MYH16: variants seen among roughly 807,000 people sequenced by gnomAD.
MYH16 encodes the protein myosin heavy chain 16.
At chr7:99,276,962 A>C (rs961730756) in intron 20 of MYH16, among the ~76,000 whole-genome samples, 4 of 152,056 alleles carry the variant, frequency 2.6e-5, no homozygotes, top group Non-Finnish European at 4.4e-5. Context: ...AGAAACAGAA[A>C]CACGGAGAGA....
chr7:99,282,890 G>A (rs1206500136), intron 23 of MYH16, among the ~76,000 whole-genome samples: 3 of 152,122 alleles, frequency 2.0e-5, no homozygotes, highest in Admixed American at 6.6e-5. Context: ...ATGTAAAAGG[G>A]TGCTGGGCTC....
exon 33 of MYH16, chr7:99,294,124 G>A: frequency 2.2e-6 from 1 of 456,374 alleles, no homozygotes; most frequent in South Asian, 1.6e-5. Flanking sequence ...GGCAGAAGTT[G>A]AGGACCTCAC....
chr7:99,245,739 G>T (rs1392399861), intron 2 of MYH16, among the ~76,000 whole-genome samples: 2 of 152,024 alleles, frequency 1.3e-5, no homozygotes, highest in African/African-American at 4.8e-5. Context: ...TGTTGGTCAC[G>T]CTGGTCTCGA....
At chr7:99,240,228 T>C (rs970613099) in intron 1 of MYH16, among the ~76,000 whole-genome samples, 2 of 152,084 alleles carry the variant, frequency 1.3e-5, no homozygotes, top group African/African-American at 2.4e-5. Context: ...TTAGGTGACC[T>C]GTGTACGTTG....
At chr7:99,297,870 C>G in intron 35 of MYH16, 22 bp from the exon 17 acceptor site, 1 of 456,678 alleles carries the variant, frequency 2.2e-6, no homozygotes, top group Non-Finnish European at 4.4e-6. Flanking sequence ...GCCAGAAAGA[C>G]TCATGGTTAT....
At chr7:99,242,943 A>T (rs778765213) in intron 1 of MYH16, among the ~76,000 whole-genome samples, 2 of 152,232 alleles carry the variant, frequency 1.3e-5, no homozygotes, top group African/African-American at 2.4e-5. Context: ...GCTGGAAGAG[A>T]AGCAGAGCCC....
At position 99,262,157 on chromosome 7, in the gene MYH16, AG is replaced by A. The variant is rs149819937; in HGVS notation, n.1755+528del. 9.8e-3 allele frequency among the ~76,000 whole-genome samples: 1,494 copies of A among 152,286 alleles called. 26 individuals carry two copies. The highest frequency in any genetic ancestry group is 0.033 in the African/African-American group (1,389 of 41,560). On this transcript the variant is annotated intron_variant and non_coding_transcript_variant, in intron 13 of 41. Transcript: ENST00000439784. ...CTCAGGTTGCATTTGCATAATTAAT[AG>A]GGGAGGTGACGTTCATCCTGCCAGC...
Position 99,296,937 on chromosome 7 carries a change from G to A in MYH16, n.4499+20G>A, listed in dbSNP as rs1394148950. ...TGCAGGGTGAGTCTGAGGGCAGGTG[G>A]ATGGGATGGGCCTGTAGGGAGGGGA... On this transcript the variant is annotated intron_variant and non_coding_transcript_variant, in intron 34 of 41. Coordinates refer to ENST00000439784, the Ensembl canonical transcript of MYH16. The A allele has an allele frequency of 2.2e-6, 1 of 455,874 alleles. No homozygotes were observed. 28.2% of individuals were successfully genotyped at this position (455,874 alleles called of 1,614,324 possible). A position where few individuals can be genotyped will look rare whatever the true frequency, so the allele number is the denominator to read the frequency against.
exon 39 of MYH16, chr7:99,303,097 G>A (rs986599951): frequency 2.6e-5 from 4 of 152,716 alleles, no homozygotes; most frequent in African/African-American, 9.6e-5. Flanking sequence ...AACGCAAGCT[G>A]GAGTCAGATG....
chr7:99,266,577 A>G (rs1791989438), intron 17 of MYH16, among the ~76,000 whole-genome samples: 3 of 152,024 alleles, frequency 2.0e-5, no homozygotes, highest in Admixed American at 6.6e-5. Context: ...CCTTTTCTCA[A>G]CTCCAAGCTC....
At chr7:99,294,553 A>AT (rs201885746) in intron 33 of MYH16, among the ~76,000 whole-genome samples, 1,295 of 109,870 alleles carry the variant, frequency 0.012, 25 homozygotes, top group African/African-American at 0.062. Context: ...AAGAAAAAAA[A>AT]AATATATATA....
chr7:99,288,595 C>A, intron 29 of MYH16, among the ~76,000 whole-genome samples: 1 of 145,114 alleles, frequency 6.9e-6, no homozygotes, highest in South Asian at 2.2e-4. Context: ...ACTAAAAATA[C>A]AAAAATTGCT....
At chr7:99,297,543 T>C (rs1386139711) in intron 34 of MYH16, 117 bp from the exon 16 acceptor site, 2 of 367,454 alleles carry the variant, frequency 5.4e-6, no homozygotes, top group Admixed American at 3.5e-5. Context: ...TGGTGGCTCA[T>C]GTCTGCAATC....
chr7:99,287,361 C>A (rs142992746), intron 28 of MYH16, among the ~76,000 whole-genome samples: 3,146 of 151,702 alleles, frequency 0.021, 48 homozygotes, highest in South Asian at 0.046. Context: ...GGTGAAACCC[C>A]ATCTCTACTA....
At chr7:99,302,691 G>A (rs1356000604) in intron 38 of MYH16, among the ~76,000 whole-genome samples, 2 of 151,928 alleles carry the variant, frequency 1.3e-5, no homozygotes, top group African/African-American at 4.8e-5. Flanking sequence ...GACCAACCTA[G>A]GCAACATAGC....
At position 99,279,770 on chromosome 7, in the gene MYH16, C is replaced by T. The variant is rs59709577; in HGVS notation, n.2887+33C>T. The T allele has an allele frequency of 4.6e-3, 2,052 of 448,220 alleles. 31 individuals are homozygous for T. Among genetic ancestry groups the T allele is most frequent in the African/African-American group, 0.038 (1,888 of 49,748 alleles). 27.8% of individuals were successfully genotyped at this position (448,220 alleles called of 1,614,324 possible). A position where few individuals can be genotyped will look rare whatever the true frequency, so the allele number is the denominator to read the frequency against. On this transcript the variant is annotated intron_variant and non_coding_transcript_variant, in intron 22 of 41. Coordinates refer to ENST00000439784, the Ensembl canonical transcript of MYH16. The stretch of plus-strand genomic sequence containing the variant: ...GAGGCCGGGGCCCTGCCACGCTTTT[C>T]TCAGGCCACCTTCAGGGGCCATACC...
intron 20 of MYH16, among the ~76,000 whole-genome samples, chr7:99,277,201 G>T (rs1792126442): frequency 6.6e-6 from 1 of 152,132 alleles, no homozygotes; most frequent in South Asian, 2.1e-4. Context: ...TTTCACTGGG[G>T]CTCCTGGTGT....
chr7:99,269,256 T>C (rs1206169613), intron 18 of MYH16, among the ~76,000 whole-genome samples: 3 of 152,106 alleles, frequency 2.0e-5, no homozygotes, highest in Non-Finnish European at 2.9e-5. Context: ...GTCTTGAATT[T>C]TGACATGAAC....
chr7:99,271,379 G>A (rs1792044140), intron 19 of MYH16, among the ~76,000 whole-genome samples: 1 of 152,140 alleles, frequency 6.6e-6, no homozygotes, highest in African/African-American at 2.4e-5. Context: ...CGTGGTGGTG[G>A]GCACCTATAA....
Sources: allele counts gnomAD v4.1 joint callset (sites outside exome capture counted in the v4.1 genomes callset), GRCh38; gene constraint gnomAD v4.1.1; transcripts MANE v1.5; gene names NCBI Gene and HGNC (gene_info 2026-07-23, HGNC 2026-07-21).